ADAMTS15: variants seen among roughly 807,000 people sequenced by gnomAD.
ADAMTS15 encodes the protein A disintegrin and metalloproteinase with thrombospondin motifs 15.
Under a neutral mutation model 79.1 loss-of-function variants are expected in ADAMTS15, and 35 were observed. The observed-to-expected ratio is 0.44, with a 90% CI of 0.34 to 0.59. ADAMTS15 has a LOEUF of 0.59. Among genes scored for constraint, ADAMTS15 ranks in the 20% least tolerant of loss-of-function variants. The pLI, the probability that ADAMTS15 is intolerant of heterozygous loss-of-function variation, is 0.02. For synonymous variants in ADAMTS15, 616 were observed against 567.3 expected (o/e 1.09, Z -1.22); for missense variants, 1,324 against 1,318.7 (o/e 1.00, Z -0.06).
Position 130,448,914 on chromosome 11 carries a change from A to G in ADAMTS15, c.-60A>G. 7.6e-7 allele frequency: 1 copy of G among 1,314,228 alleles called. No homozygotes were observed. 81.4% of individuals were successfully genotyped at this position (1,314,228 alleles called of 1,614,324 possible). ...GTGCGGGCTGCACGGAGACCGCGGC[A>G]GCGGCCGGAGAGCCCGGCCCAGCCC... On this transcript the variant is annotated 5_prime_UTR_variant, in exon 1 of 8. Transcript: ENST00000299164.
intron 5 of ADAMTS15, among the ~76,000 whole-genome samples, chr11:130,470,164 ATATATATATATATATATGTG>A (rs1938407633): frequency 1.7e-5 from 1 of 58,246 alleles, no homozygotes; most frequent in Non-Finnish European, 3.2e-5. Flanking sequence ...GTATATATAT[ATATATATATATATATATGTG>A]TGTATATATA....
rs187841335 is a variant in ADAMTS15, at chr11:130,452,825, A to G, written c.957+2895A>G. Among the ~76,000 whole-genome samples, 37 of 152,218 alleles carry G rather than the reference A, an allele frequency of 2.4e-4. 1 individual carries two copies. Among genetic ancestry groups the G allele is most frequent in the African/African-American group, 8.9e-4 (37 of 41,544 alleles). The stretch of plus-strand genomic sequence containing the variant: ...GTGAAACCCTGTCTCTACTAAATAT[A>G]CAAAAATTAGCTGGGCGTGGTGGCT... On this transcript the variant is annotated intron_variant, in intron 1 of 7. Coordinates refer to ENST00000299164, the MANE Select transcript of ADAMTS15 (RefSeq NM_139055.4).
intron 5 of ADAMTS15, among the ~76,000 whole-genome samples, chr11:130,470,149 T>TATATATAC (rs1565397585): frequency 3.3e-5 from 2 of 59,876 alleles, no homozygotes; most frequent in African/African-American, 1.9e-4. Flanking sequence ...TATATATATA[T>TATATATAC]ATGTGTATAT....
At chr11:130,461,111 C>T (rs535173019) in intron 1 of ADAMTS15, among the ~76,000 whole-genome samples, 163 of 152,336 alleles carry the variant, frequency 1.1e-3, no homozygotes, top group Non-Finnish European at 1.8e-3. Context: ...CTCCCTGTTG[C>T]CTCAGCGAGC....
Position 130,473,942 on chromosome 11 carries a change from G to T in ADAMTS15, c.*121G>T. Reference sequence around the variant, plus strand: ...TCACGCCACGATGTCACCCACATCCGGGGACAAGGACCATGGGCTGGGGCG... The same window carrying T: ...TCACGCCACGATGTCACCCACATCCTGGGACAAGGACCATGGGCTGGGGCG... On this transcript the variant is annotated 3_prime_UTR_variant, in exon 8 of 8. Coordinates refer to ENST00000299164, the MANE Select transcript of ADAMTS15 (RefSeq NM_139055.4). 7.4e-7 allele frequency: 1 copy of T among 1,343,702 alleles called. No individual in the cohort carries two copies. Among genetic ancestry groups the T allele is most frequent in the Non-Finnish European group, 9.9e-7 (1 of 1,010,370 alleles). The allele number at this position is 1,343,702 out of a possible 1,614,324, so 83.2% of individuals were successfully genotyped here.
chr11:130,473,835 T>C lies in ADAMTS15; in HGVS notation c.*14T>C. 6.3e-7 allele frequency: 1 copy of C among 1,578,832 alleles called. No homozygotes were observed. The highest frequency in any genetic ancestry group is 8.6e-7 in the Non-Finnish European group (1 of 1,167,512). On this transcript the variant is annotated 3_prime_UTR_variant, in exon 8 of 8. Transcript: ENST00000299164. ...AGGCCGTGCTGAGTGGGGTCATCGC[T>C]TTCTCCCCCTCACTCTCCACCCCAC...
At chr11:130,461,919 A>AAACACAAG (rs1255135206) in intron 2 of ADAMTS15, among the ~76,000 whole-genome samples, 168 bp from the exon 3 acceptor site, 1 of 152,144 alleles carries the variant, frequency 6.6e-6, no homozygotes, top group Non-Finnish European at 1.5e-5. Flanking sequence ...AGGGGACAGA[A>AAACACAAG]AACACAAGAA....
Position 130,471,035 on chromosome 11 carries a change from C to G in ADAMTS15, c.1836C>G (p.Pro612=). The change falls in exon 6 of 8, where the codon CCC becomes CCG. Residue 612 remains proline, a synonymous_variant. Coordinates refer to ENST00000299164, the MANE Select transcript of ADAMTS15 (RefSeq NM_139055.4). ...TGCCCAAGTACTCCGGCGTGTCTCC[C>G]CGGGACAAGTGCAAGCTCATCTGCC... ...AWVPKYSGVS[P]RDKCKLICRA... 6.2e-7 allele frequency: 1 copy of G among 1,613,862 alleles called. No homozygotes were observed. The highest frequency in any genetic ancestry group is 8.5e-7 in the Non-Finnish European group (1 of 1,180,042).
At chr11:130,455,930 C>T (rs1938069403) in intron 1 of ADAMTS15, among the ~76,000 whole-genome samples, 1 of 152,178 alleles carries the variant, frequency 6.6e-6, no homozygotes, top group African/African-American at 2.4e-5. Flanking sequence ...CTTGCTTGAG[C>T]TACAGGGCGA....
Position 130,471,275 on chromosome 11 carries a change from C to G in ADAMTS15, c.1970C>G (p.Ala657Gly), listed in dbSNP as rs199538468. The G allele has an allele frequency of 5.5e-5, 89 of 1,613,040 alleles. No homozygotes were observed. Among genetic ancestry groups the G allele is most frequent in the Non-Finnish European group, 7.2e-5 (85 of 1,179,792 alleles). Residue 657 changes from alanine to glycine, a missense_variant, in exon 7 of 8, where the codon GCT becomes GGT. Ala to Gly is a moderately conservative substitution (Grantham distance 60). Coordinates refer to ENST00000299164, the MANE Select transcript of ADAMTS15 (RefSeq NM_139055.4). ...SVCVQGKCIK[A>G]GCDGNLGSKK... ...TGTGTCCAAGGCAAGTGCATCAAGG[C>G]TGGCTGTGATGGGAACCTGGGCTCC... is the stretch of plus-strand genomic sequence containing the variant.
At chr11:130,470,186 G>GTATATATATATATATATATATATATGTA (rs1421284406) in intron 5 of ADAMTS15, among the ~76,000 whole-genome samples, 4 of 67,176 alleles carry the variant, frequency 6.0e-5, no homozygotes, top group Non-Finnish European at 1.1e-4. Context: ...ATATATGTGT[G>GTATATATATATATATATATATATATGTA]TATATATATA....
At chr11:130,453,532 A>C (rs1309915003) in intron 1 of ADAMTS15, among the ~76,000 whole-genome samples, 1 of 152,106 alleles carries the variant, frequency 6.6e-6, no homozygotes, top group Non-Finnish European at 1.5e-5. Context: ...TCCTGGGGTC[A>C]AGTAATACTC....
Position 130,448,911 on chromosome 11 carries a change from G to A in ADAMTS15, c.-63G>A. 7.7e-7 allele frequency: 1 copy of A among 1,301,134 alleles called. No individual in the cohort carries two copies. Among genetic ancestry groups the A allele is most frequent in the Non-Finnish European group, 1.0e-6 (1 of 989,110 alleles). The allele number at this position is 1,301,134 out of a possible 1,614,324, so 80.6% of individuals were successfully genotyped here. A position where few individuals can be genotyped will look rare whatever the true frequency, so the allele number is the denominator to read the frequency against. Reference sequence around the variant, plus strand: ...AGAGTGCGGGCTGCACGGAGACCGCGGCAGCGGCCGGAGAGCCCGGCCCAG... The same window carrying A: ...AGAGTGCGGGCTGCACGGAGACCGCAGCAGCGGCCGGAGAGCCCGGCCCAG... On this transcript the variant is annotated 5_prime_UTR_variant, in exon 1 of 8. Coordinates refer to ENST00000299164, the MANE Select transcript of ADAMTS15 (RefSeq NM_139055.4).
At chr11:130,470,614 G>A (rs929500680) in intron 5 of ADAMTS15, among the ~76,000 whole-genome samples, 4 of 152,116 alleles carry the variant, frequency 2.6e-5, no homozygotes, top group African/African-American at 7.2e-5. Context: ...TGGTGTTGTC[G>A]TTAATCTATA....
intron 5 of ADAMTS15, among the ~76,000 whole-genome samples, chr11:130,470,180 A>G (rs11222113): frequency 0.013 from 585 of 44,654 alleles, 27 homozygotes; most frequent in East Asian, 0.056. Context: ...ATATATATAT[A>G]TGTGTGTATA....
chr11:130,449,770 T>C lies in ADAMTS15; in HGVS notation c.797T>C (p.Val266Ala). The C allele has an allele frequency of 1.2e-6, 2 of 1,612,656 alleles. No homozygotes were observed. The highest frequency in any genetic ancestry group is 1.7e-6 in the Non-Finnish European group (2 of 1,180,014). ...PSILNPINIV[V>A]VKVLLLRDRD... ...ATCCTCAACCCCATCAACATCGTTG[T>C]GGTCAAGGTGCTGCTTCTTAGAGAT... is the stretch of plus-strand genomic sequence containing the variant. The change falls in exon 1 of 8, where the codon GTG (valine) becomes GCG (alanine). Residue 266 changes from valine (V) to alanine (A), a missense_variant. Val to Ala is a moderately conservative substitution (Grantham distance 64). Coordinates refer to ENST00000299164, the MANE Select transcript of ADAMTS15 (RefSeq NM_139055.4). The surrounding 1 kb of genome is among the most constrained non-coding windows in gnomAD (Gnocchi z 7.8).
chr11:130,451,121 G>A (rs1317011688), intron 1 of ADAMTS15, among the ~76,000 whole-genome samples: 2 of 152,206 alleles, frequency 1.3e-5, no homozygotes, highest in Non-Finnish European at 2.9e-5. Context: ...AGCCATCCAA[G>A]TGAGCCTCTT....
intron 1 of ADAMTS15, among the ~76,000 whole-genome samples, chr11:130,457,624 G>A (rs2134722140): frequency 6.6e-6 from 1 of 152,256 alleles, no homozygotes; most frequent in South Asian, 2.1e-4. Flanking sequence ...GCTGGGTTAG[G>A]AATACCTACA....
Position 130,473,784 on chromosome 11 carries a change from C to T in ADAMTS15, c.2816C>T (p.Pro939Leu). Reference sequence around the variant, plus strand: ...GACCAGTGCAACTTGCACCGCAAGCCCCAGGAGCTGGACTTCTGCGTCCTG... The same window carrying T: ...GACCAGTGCAACTTGCACCGCAAGCTCCAGGAGCTGGACTTCTGCGTCCTG... Reference protein sequence around the residue: ...ARDQCNLHRKPQELDFCVLRP... With the variant: ...ARDQCNLHRKLQELDFCVLRP... Residue 939 changes from proline (P) to leucine (L), a missense_variant, in exon 8 of 8, where the codon CCC (proline) becomes CTC (leucine). Pro to Leu is a moderately conservative substitution (Grantham distance 98). Coordinates refer to ENST00000299164, the MANE Select transcript of ADAMTS15 (RefSeq NM_139055.4). 1 of 1,598,682 alleles carries T rather than the reference C, an allele frequency of 6.3e-7. No individual in the cohort carries two copies. Among genetic ancestry groups the T allele is most frequent in the Non-Finnish European group, 8.5e-7 (1 of 1,179,528 alleles).
Sources: gnomAD v4.1 joint callset for allele counts (sites outside exome capture counted in the v4.1 genomes callset) on GRCh38, gnomAD v4.1.1 for gene constraint, Gnocchi (gnomAD v3.1) non-coding constraint, MANE v1.5 for transcripts, NCBI Gene and HGNC (gene_info 2026-07-23, HGNC 2026-07-21) for gene names.